Variants in MTM1 observed in about 807,000 individuals in gnomAD.
MTM1 encodes the protein myotubularin 1.
Under a neutral mutation model 52.1 loss-of-function variants are expected in MTM1, and 9 were observed. The ratio of observed to expected loss-of-function variants is 0.17; its 90% CI spans 0.10 to 0.30. The LOEUF is 0.30. MTM1 is among the 10% of genes least tolerant of loss of function. The pLI, the probability that MTM1 is intolerant of heterozygous loss-of-function variation, is 1.00. For synonymous variants in MTM1, 136 were observed against 163.8 expected (o/e 0.83, Z 1.29); for missense variants, 277 against 470.7 (o/e 0.59, Z 3.81).
chrX:150,605,927 A>G (rs1345769720), intron 4 of MTM1, among the ~76,000 whole-genome samples: 3 of 109,840 alleles, frequency 2.7e-5, no homozygotes, highest in African/African-American at 1.0e-4. Context: ...AGCCAGACCT[A>G]TATTCTTTTT....
rs187307018 is a variant in MTM1, at chrX:150,607,617, G to A, written c.232-6972G>A. ...CATTTCTGCCTCTTGCCTTCTATGC[G>A]GCTCATTTTTTCTTTCCTACCTCCT... On this transcript the variant is annotated intron_variant, in intron 4 of 14. Coordinates refer to ENST00000370396, the MANE Select transcript of MTM1 (RefSeq NM_000252.3). Among the ~76,000 whole-genome samples, 6 of 111,247 alleles carry A rather than the reference G, an allele frequency of 5.4e-5. No homozygotes were observed. In the East Asian group the frequency reaches 1.1e-3, roughly 21 times the overall value.
In MTM1 at chrX:150,659,759, A is replaced by G. The variant is rs782331980; in HGVS notation, c.1353+3A>G. ...GTGTGTGGCAAATGTCAAAACAGGT[A>G]AGGAATATGAGGGATGAAAATACAT... is the stretch of plus-strand genomic sequence containing the variant. On this transcript the variant is annotated splice_donor_region_variant and intron_variant, in intron 12 of 14. Transcript: ENST00000370396. 8.6e-7 allele frequency: 1 copy of G among 1,166,273 alleles called. No homozygotes were observed. The highest frequency in any genetic ancestry group is 1.8e-5 in the South Asian group (1 of 55,826).
intron 6 of MTM1, among the ~76,000 whole-genome samples, chrX:150,633,001 G>A (rs1395362323): frequency 1.8e-5 from 2 of 111,463 alleles, no homozygotes; most frequent in Admixed American, 1.9e-4. Flanking sequence ...CACATCACTA[G>A]CATTTTCATA....
At chrX:150,649,081 G>T (rs1410150788) in intron 9 of MTM1, among the ~76,000 whole-genome samples, 3 of 112,319 alleles carry the variant, frequency 2.7e-5, no homozygotes, top group Admixed American at 9.4e-5. Flanking sequence ...TTAAACAGTG[G>T]CTGGCATTAG....
rs1534821 is a variant in MTM1, at chrX:150,625,304, A to G, written c.444+6165A>G. Among the ~76,000 whole-genome samples the G allele has an allele frequency of 9.9e-4, 111 of 112,025 alleles. No homozygotes were observed. The East Asian group carries it at 0.014, about 14-fold the overall frequency. ...CTGCCTGGCACGCAGTAAGTACCCA[A>G]TAAATGTCAGTTCTGTTCTTAGTGT... is the stretch of plus-strand genomic sequence containing the variant. On this transcript the variant is annotated intron_variant, in intron 6 of 14. Transcript: ENST00000370396.
intron 4 of MTM1, among the ~76,000 whole-genome samples, chrX:150,603,405 G>C (rs1286782457): frequency 8.9e-6 from 1 of 111,829 alleles, no homozygotes; most frequent in Non-Finnish European, 1.9e-5. Context: ...CAGTGTGTGT[G>C]TGATGGGTTA....
At chrX:150,659,869 C>G (rs2040190508) in intron 12 of MTM1, 113 bp downstream of exon 12, 2 of 613,631 alleles carry the variant, frequency 3.3e-6, no homozygotes, top group East Asian at 7.2e-5. Flanking sequence ...AGAGATGAAG[C>G]AAGACTGGGC....
At chrX:150,618,800 CCTT>C (rs1437541651) in intron 5 of MTM1, among the ~76,000 whole-genome samples, 4 of 111,575 alleles carry the variant, frequency 3.6e-5, no homozygotes, top group African/African-American at 1.3e-4. Flanking sequence ...TCTGTCTTCT[CCTT>C]AGTGCTAGTT....
At chrX:150,643,635 CTTGT>C (rs1557413895) in intron 8 of MTM1, among the ~76,000 whole-genome samples, 4 of 111,846 alleles carry the variant, frequency 3.6e-5, no homozygotes, top group Non-Finnish European at 7.5e-5. Context: ...CTAGCAATAT[CTTGT>C]AAACAACTTC....
intron 4 of MTM1, among the ~76,000 whole-genome samples, chrX:150,605,600 TG>T (rs2039142449): frequency 1.8e-5 from 2 of 112,669 alleles, no homozygotes; most frequent in African/African-American, 6.4e-5. Context: ...AACTTTTAGT[TG>T]GTAAAAGTGC....
intron 1 of MTM1, among the ~76,000 whole-genome samples, chrX:150,589,899 A>G (rs1162841347): frequency 1.8e-5 from 2 of 111,099 alleles, no homozygotes; most frequent in African/African-American, 3.3e-5. Flanking sequence ...TTCACTAGCT[A>G]TCCTTTTGTG....
At chrX:150,585,091 GTGTGTGTGTGTGTA>G (rs1311736238) in intron 1 of MTM1, among the ~76,000 whole-genome samples, 15 of 106,035 alleles carry the variant, frequency 1.4e-4, no homozygotes, top group African/African-American at 5.2e-4. Flanking sequence ...GAGAGAAAGA[GTGTGTGTGTGTGTA>G]TGTGTGTGTG....
chrX:150,661,562 GA>G (rs2040221830), intron 13 of MTM1, among the ~76,000 whole-genome samples: 1 of 111,772 alleles, frequency 8.9e-6, no homozygotes, highest in Non-Finnish European at 1.9e-5. Flanking sequence ...GATGAATAAA[GA>G]AAACGTAGTA....
intron 6 of MTM1, among the ~76,000 whole-genome samples, chrX:150,637,343 G>A (rs1392912726): frequency 9.0e-6 from 1 of 111,583 alleles, no homozygotes; most frequent in Non-Finnish European, 1.9e-5. Context: ...CTACATAGAG[G>A]AAAAGTGCCC....
intron 4 of MTM1, among the ~76,000 whole-genome samples, chrX:150,600,819 C>T (rs1256026052): frequency 2.7e-5 from 3 of 111,804 alleles, no homozygotes; most frequent in African/African-American, 9.8e-5. Flanking sequence ...CCTTTTGCTG[C>T]TTGTACTCTT....
chrX:150,635,839 C>A (rs1211109889), intron 6 of MTM1, among the ~76,000 whole-genome samples: 1 of 112,075 alleles, frequency 8.9e-6, no homozygotes, highest in Non-Finnish European at 1.9e-5. Context: ...ACCACATAAA[C>A]ACTACCTAGT....
intron 1 of MTM1, among the ~76,000 whole-genome samples, chrX:150,570,671 C>T (rs2038356366): frequency 8.9e-6 from 1 of 112,216 alleles, no homozygotes; most frequent in Non-Finnish European, 1.9e-5. Context: ...GTCTGCTGGA[C>T]TCTCAGGCTA....
intron 4 of MTM1, 57 bp downstream of exon 4, chrX:150,598,743 T>C (rs981900761): frequency 4.9e-6 from 4 of 811,166 alleles, no homozygotes; most frequent in Admixed American, 2.4e-5. Context: ...AATGCTAAAT[T>C]GTTTCTCTTC....
intron 6 of MTM1, among the ~76,000 whole-genome samples, chrX:150,637,568 A>G (rs1345061538): frequency 1.8e-5 from 2 of 112,280 alleles, no homozygotes; most frequent in African/African-American, 6.5e-5. Flanking sequence ...GTACATATGT[A>G]ATATGTCAAA....
Sources: gnomAD v4.1 joint callset for allele counts (sites outside exome capture counted in the v4.1 genomes callset) on GRCh38, gnomAD v4.1.1 for gene constraint, MANE v1.5 for transcripts, NCBI Gene and HGNC (gene_info 2026-07-23, HGNC 2026-07-21) for gene names.